The following PIR variants were observed in gnomAD, a reference collection of about 807,000 sequenced individuals.
PIR encodes the protein pirin, also known as pirin (iron-binding nuclear protein).
A neutral mutation model predicts 24.2 loss-of-function variants in PIR; 22 were observed. That is an observed-to-expected ratio of 0.91 (90% confidence interval 0.65 to 1.30). The LOEUF (loss-of-function observed/expected upper bound fraction) is 1.30. Among genes scored for constraint, PIR ranks in the 50% most tolerant of loss-of-function variants. The pLI is 0.00. For synonymous variants in PIR, 80 were observed against 79.6 expected (o/e 1.00, Z -0.03); for missense variants, 220 against 220.3 (o/e 1.00, Z 0.01).
chrX:15,480,856 G>A lies in PIR; in HGVS notation c.97-1035C>T, dbSNP rs189849660. 4.3e-4 allele frequency among the ~76,000 whole-genome samples: 48 copies of A among 112,500 alleles called. 1 individual carries two copies. Among genetic ancestry groups the A allele is most frequent in the African/African-American group, 1.5e-3 (48 of 30,976 alleles). ...GGATTTTATCCTGAAGGTGATGGGA[G>A]TTTTCATCAGAGTTTGATATGATCA... On this transcript the variant is annotated intron_variant, in intron 2 of 9. Coordinates refer to ENST00000380420, the MANE Select transcript of PIR (RefSeq NM_001018109.3).
intron 9 of PIR, 135 bp from the exon 10 acceptor site, chrX:15,385,251 C>T: frequency 2.6e-6 from 1 of 387,763 alleles, no homozygotes; most frequent in Non-Finnish European, 4.5e-6. Context: ...TTTATTTTCA[C>T]AGTGTTCAAT....
intron 9 of PIR, among the ~76,000 whole-genome samples, chrX:15,386,148 T>C (rs765854450): frequency 2.9e-3 from 330 of 112,468 alleles, no homozygotes; most frequent in African/African-American, 9.4e-3. Flanking sequence ...ATTCCTTTTA[T>C]GGAACTGCCT....
chrX:15,488,133 C>T (rs1200074144), intron 2 of PIR, among the ~76,000 whole-genome samples: 1 of 109,090 alleles, frequency 9.2e-6, no homozygotes, highest in Non-Finnish European at 1.9e-5. Flanking sequence ...ACAAAATTAG[C>T]CAGGCGTGGT....
intron 9 of PIR, chrX:15,389,971 G>T: frequency 3.8e-6 from 1 of 263,661 alleles, no homozygotes; most frequent in Admixed American, 6.6e-5. Flanking sequence ...TACATAATAG[G>T]TATCTAAGAA....
intron 3 of PIR, 69 bp from the exon 4 acceptor site, chrX:15,459,809 T>C (rs895765250): frequency 1.5e-5 from 9 of 602,228 alleles, no homozygotes; most frequent in Non-Finnish European, 2.6e-5. Context: ...TATTTAATTA[T>C]CCCTACTGAC....
intron 7 of PIR, among the ~76,000 whole-genome samples, chrX:15,399,603 C>T (rs1233675615): frequency 8.9e-6 from 1 of 111,945 alleles, no homozygotes; most frequent in East Asian, 2.8e-4. Context: ...TGAATGTAGC[C>T]AACAAGCCAC....
chrX:15,474,323 C>T lies in PIR; in HGVS notation c.189+5406G>A, dbSNP rs1034087154. On this transcript the variant is annotated intron_variant, in intron 3 of 9. Transcript: ENST00000380420. ...TATGGCTGCTGGGATTAGCCAAGAC[C>T]CAGCTATTGTTACAGGCACATACTT... 1.8e-5 allele frequency among the ~76,000 whole-genome samples: 2 copies of T among 112,003 alleles called. 1 individual carries two copies. Among genetic ancestry groups the T allele is most frequent in the African/African-American group, 6.5e-5 (2 of 30,781 alleles).
chrX:15,405,074 C>A (rs1924513337), intron 7 of PIR, among the ~76,000 whole-genome samples: 1 of 111,652 alleles, frequency 9.0e-6, no homozygotes, highest in African/African-American at 3.3e-5. Flanking sequence ...ACCCCGAGAA[C>A]TGCAGAGCAT....
At chrX:15,396,403 G>A (rs1488702153) in intron 8 of PIR, among the ~76,000 whole-genome samples, 1 of 111,523 alleles carries the variant, frequency 9.0e-6, no homozygotes, top group Admixed American at 9.5e-5. Context: ...CAACAGGCAG[G>A]GTCAGAAGGC....
At chrX:15,456,968 T>C (rs372473402) in intron 4 of PIR, among the ~76,000 whole-genome samples, 2 of 112,359 alleles carry the variant, frequency 1.8e-5, no homozygotes, top group South Asian at 3.7e-4. Flanking sequence ...TTAGTTTGAG[T>C]TCTCCCACAG....
At chrX:15,391,816 G>A (rs945381682) in intron 8 of PIR, among the ~76,000 whole-genome samples, 1 of 111,378 alleles carries the variant, frequency 9.0e-6, no homozygotes, top group Non-Finnish European at 1.9e-5. Context: ...TGCTAAGAAC[G>A]GCCGCAGCTC....
intron 8 of PIR, among the ~76,000 whole-genome samples, chrX:15,397,107 G>A (rs1375709702): frequency 8.9e-6 from 1 of 111,958 alleles, no homozygotes; most frequent in African/African-American, 3.2e-5. Context: ...TACTTCTATA[G>A]GGCTGATCTA....
intron 5 of PIR, among the ~76,000 whole-genome samples, chrX:15,445,937 C>T (rs1439583823): frequency 1.0e-5 from 1 of 97,449 alleles, no homozygotes; most frequent in Non-Finnish European, 2.0e-5. Context: ...TCACGCCATT[C>T]TCCTGCCTCA....
At chrX:15,389,451 A>G (rs1009081578) in intron 9 of PIR, among the ~76,000 whole-genome samples, 1 of 112,276 alleles carries the variant, frequency 8.9e-6, no homozygotes, top group African/African-American at 3.2e-5. Flanking sequence ...GTACCTGGGA[A>G]TTCATGCAAG....
At chrX:15,401,049 T>TTTTA in intron 7 of PIR, among the ~76,000 whole-genome samples, 1 of 108,643 alleles carries the variant, frequency 9.2e-6, no homozygotes, top group African/African-American at 3.4e-5. Context: ...AAATCTTTAT[T>TTTTA]TTTATTTATT....
intron 3 of PIR, among the ~76,000 whole-genome samples, chrX:15,461,864 AC>A (rs1202790656): frequency 8.9e-6 from 1 of 112,631 alleles, no homozygotes; most frequent in Non-Finnish European, 1.9e-5. Flanking sequence ...TGCACCTGCC[AC>A]ATTTTGGGTG....
chrX:15,484,384 G>A (rs1016619688), intron 2 of PIR, among the ~76,000 whole-genome samples: 21 of 93,144 alleles, frequency 2.3e-4, no homozygotes, highest in African/African-American at 7.7e-4. Context: ...GCATGATCTC[G>A]ACTCACTGCA....
At chrX:15,388,340 G>A (rs1923841877) in intron 9 of PIR, among the ~76,000 whole-genome samples, 1 of 111,827 alleles carries the variant, frequency 8.9e-6, no homozygotes, top group East Asian at 2.8e-4. Context: ...AGAAGCTACA[G>A]GGCAGAGCAA....
intron 3 of PIR, among the ~76,000 whole-genome samples, chrX:15,478,023 C>CGA (rs3058993): frequency 1.9e-5 from 2 of 102,601 alleles, no homozygotes; most frequent in Admixed American, 2.1e-4. Context: ...TTCCCCCCCC[C>CGA]CCAGAAAGCA....
Sources: gnomAD v4.1 joint callset for allele counts (sites outside exome capture counted in the v4.1 genomes callset) on GRCh38, gnomAD v4.1.1 for gene constraint, MANE v1.5 for transcripts, NCBI Gene and HGNC (gene_info 2026-07-23, HGNC 2026-07-21) for gene names.